Variants in CAMK1D observed in about 807,000 individuals in gnomAD.
CAMK1D encodes the protein calcium/calmodulin-dependent protein kinase type 1D.
Under a neutral mutation model 47.7 loss-of-function variants are expected in CAMK1D, and 9 were observed. The ratio of observed to expected loss-of-function variants is 0.19; its 90% CI spans 0.11 to 0.33. CAMK1D has a LOEUF of 0.33. Among genes scored for constraint, CAMK1D ranks in the 10% least tolerant of loss-of-function variants. CAMK1D has a pLI of 1.00. For synonymous variants in CAMK1D, 184 were observed against 184.9 expected, an observed-to-expected ratio of 0.99 and a Z score of 0.04; for missense variants, 291 against 488.7, an observed-to-expected ratio of 0.60 and a Z score of 3.81.
At chr10:12,441,397 A>G (rs1056867261) in intron 1 of CAMK1D, among the ~76,000 whole-genome samples, 4 of 151,894 alleles carry the variant, frequency 2.6e-5, no homozygotes, top group Admixed American at 6.6e-5. Flanking sequence ...GGTTTTCACC[A>G]TCTTGCCCAG....
intron 2 of CAMK1D, among the ~76,000 whole-genome samples, chr10:12,562,332 T>C (rs2815617): frequency 0.34 from 51,042 of 152,092 alleles, 8,515 homozygotes; most frequent in Middle Eastern, 0.46. Context: ...CCCTCATGAC[T>C]GAAACAATTC....
intron 1 of CAMK1D, among the ~76,000 whole-genome samples, chr10:12,428,081 C>T (rs1840313057): frequency 6.6e-6 from 1 of 152,046 alleles, no homozygotes; most frequent in African/African-American, 2.4e-5. Flanking sequence ...AGGTTTGTTA[C>T]ATAGGTATTC....
At chr10:12,655,169 G>T (rs1050116627) in intron 2 of CAMK1D, among the ~76,000 whole-genome samples, 2 of 152,098 alleles carry the variant, frequency 1.3e-5, no homozygotes, top group Admixed American at 1.3e-4. Flanking sequence ...GCATCTGCTC[G>T]GCTTTTAGGG....
intron 3 of CAMK1D, among the ~76,000 whole-genome samples, chr10:12,740,212 G>C (rs1160470206): frequency 1.3e-5 from 2 of 152,184 alleles, no homozygotes; most frequent in African/African-American, 4.8e-5. Context: ...GGCACCCAGA[G>C]GCCACCCCAT....
chr10:12,462,314 C>T (rs117687547), intron 1 of CAMK1D, among the ~76,000 whole-genome samples: 3,713 of 151,834 alleles, frequency 0.024, 67 homozygotes, highest in Non-Finnish European at 0.037. Flanking sequence ...TACGGGCACG[C>T]GCCACCGTGG....
chr10:12,787,236 C>T (rs116916439), intron 5 of CAMK1D, among the ~76,000 whole-genome samples: 249 of 152,350 alleles, frequency 1.6e-3, no homozygotes, highest in Non-Finnish European at 3.0e-3. Context: ...CCTTGCACCA[C>T]GGCCCAGTGT....
At chr10:12,520,094 C>CG (rs1835357423) in intron 1 of CAMK1D, among the ~76,000 whole-genome samples, 1 of 77,996 alleles carries the variant, frequency 1.3e-5, no homozygotes, top group African/African-American at 5.3e-5. Flanking sequence ...CCCTCCCGGA[C>CG]GGGGTGGCTG....
chr10:12,398,702 A>G (rs573492058), intron 1 of CAMK1D, among the ~76,000 whole-genome samples: 1 of 152,332 alleles, frequency 6.6e-6, no homozygotes, highest in East Asian at 1.9e-4. Flanking sequence ...TGAACAAAAC[A>G]AAGATATTAT....
At chr10:12,436,232 A>G (rs942976936) in intron 1 of CAMK1D, among the ~76,000 whole-genome samples, 7 of 152,136 alleles carry the variant, frequency 4.6e-5, no homozygotes, top group Non-Finnish European at 7.4e-5. Flanking sequence ...ATGTGTGCCC[A>G]GGGGTGGGTT....
At chr10:12,548,496 G>T in intron 1 of CAMK1D, among the ~76,000 whole-genome samples, 1 of 110,812 alleles carries the variant, frequency 9.0e-6, no homozygotes, top group Admixed American at 1.3e-4. Context: ...ACAAGGTCTT[G>T]CTCTATGGCC....
At chr10:12,613,569 C>T (rs1311213533) in intron 2 of CAMK1D, among the ~76,000 whole-genome samples, 14 of 152,188 alleles carry the variant, frequency 9.2e-5, no homozygotes, top group Admixed American at 9.2e-4. Context: ...CCTCCACCTC[C>T]GGGGGTGCAG....
intron 2 of CAMK1D, among the ~76,000 whole-genome samples, chr10:12,659,637 A>C (rs11816701): frequency 0.01 from 1,563 of 151,130 alleles, 22 homozygotes; most frequent in African/African-American, 0.036. Flanking sequence ...GTAAGGAGGA[A>C]ATGATTTTTT....
intron 1 of CAMK1D, among the ~76,000 whole-genome samples, chr10:12,506,987 A>G (rs1834896580): frequency 6.6e-6 from 1 of 152,252 alleles, no homozygotes; most frequent in Non-Finnish European, 1.5e-5. Flanking sequence ...CCATATAAAT[A>G]TAGAACTGAG....
At chr10:12,451,158 T>C (rs566700551) in intron 1 of CAMK1D, among the ~76,000 whole-genome samples, 7 of 152,288 alleles carry the variant, frequency 4.6e-5, no homozygotes, top group South Asian at 2.1e-4. Flanking sequence ...AAAAGTTCCA[T>C]TGGAGGACTG....
At chr10:12,396,515 C>T (rs1838961638) in intron 1 of CAMK1D, among the ~76,000 whole-genome samples, 2 of 152,192 alleles carry the variant, frequency 1.3e-5, no homozygotes, top group African/African-American at 2.4e-5. Flanking sequence ...GGAAAAGTAG[C>T]CCTCCACTGG....
Position 12,419,211 on chromosome 10 carries a change from A to G in CAMK1D, c.92+69301A>G, listed in dbSNP as rs372074195. Among the ~76,000 whole-genome samples the G allele has an allele frequency of 2.0e-3, 309 of 152,186 alleles. 1 individual carries two copies. Among genetic ancestry groups the G allele is most frequent in the Middle Eastern group, 3.4e-3 (1 of 294 alleles). ...ATATTTTCCTCAAAACTCAACAGCC[A>G]TGATCTCATGAATACTCACCCCTAC... On this transcript the variant is annotated intron_variant, in intron 1 of 10. Coordinates refer to ENST00000619168, the MANE Select transcript of CAMK1D (RefSeq NM_153498.4).
intron 6 of CAMK1D, among the ~76,000 whole-genome samples, chr10:12,809,110 C>G (rs540947329): frequency 2.9e-4 from 37 of 126,904 alleles, no homozygotes; most frequent in Non-Finnish European, 5.0e-4. Flanking sequence ...GAGTGAAACT[C>G]TGTCTCAAAA....
intron 1 of CAMK1D, among the ~76,000 whole-genome samples, chr10:12,482,040 T>A (rs187507924): frequency 6.6e-6 from 1 of 152,336 alleles, no homozygotes; most frequent in East Asian, 1.9e-4. Flanking sequence ...GCTGGTGCAG[T>A]GTTTACCTCC....
intron 5 of CAMK1D, among the ~76,000 whole-genome samples, chr10:12,771,328 AC>A (rs1182285813): frequency 6.6e-6 from 1 of 152,178 alleles, no homozygotes; most frequent in Non-Finnish European, 1.5e-5. Flanking sequence ...GACCAGCATC[AC>A]CCTGTGGGTC....
Sources: allele counts gnomAD v4.1 joint callset (sites outside exome capture counted in the v4.1 genomes callset), GRCh38; gene constraint gnomAD v4.1.1; transcripts MANE v1.5; gene names NCBI Gene and HGNC (gene_info 2026-07-23, HGNC 2026-07-21).